Variants in VPS41 observed in about 807,000 individuals in gnomAD.
VPS41 encodes the protein vacuolar protein sorting-associated protein 41 homolog.
VPS41 carries 85 observed loss-of-function variants against 130.9 expected under a neutral mutation model. The observed-to-expected ratio is 0.65, with a 90% CI of 0.55 to 0.78. The LOEUF is 0.78. Among genes scored for constraint, VPS41 ranks in the 30% least tolerant of loss-of-function variants. VPS41 has a pLI of 0.00. For missense variants in VPS41, 874 were observed against 1,018.7 expected (o/e 0.86, Z 1.93); for synonymous variants, 335 against 332.9 (o/e 1.01, Z -0.07).
intron 25 of VPS41, among the ~76,000 whole-genome samples, chr7:38,736,375 C>T (rs977650725): frequency 6.6e-6 from 1 of 152,348 alleles, no homozygotes; most frequent in Admixed American, 6.5e-5. Flanking sequence ...TGGTGTGCAG[C>T]CAGACTTCAC....
intron 10 of VPS41, among the ~76,000 whole-genome samples, chr7:38,786,363 T>C (rs1784439612): frequency 6.6e-6 from 1 of 152,204 alleles, no homozygotes. Flanking sequence ...CTGTGCTTGG[T>C]GGTGGTTGTT....
chr7:38,906,470 G>A (rs1044171415), intron 1 of VPS41, among the ~76,000 whole-genome samples: 5 of 151,762 alleles, frequency 3.3e-5, no homozygotes, highest in East Asian at 2.0e-4. Flanking sequence ...TCAGCCTCCC[G>A]AGTAGCTGGG....
chr7:38,743,602 A>G (rs1719089200), intron 23 of VPS41, 60 bp from the exon 24 acceptor site: 2 of 1,572,018 alleles, frequency 1.3e-6, no homozygotes, highest in East Asian at 2.3e-5. Flanking sequence ...ATTTTTTTAA[A>G]GAAATTGCAT....
In VPS41 at chr7:38,872,327, T is replaced by C. The variant is rs151308765; in HGVS notation, c.61-3074A>G. Among the ~76,000 whole-genome samples, 243 of 152,366 alleles carry C rather than the reference T, an allele frequency of 1.6e-3. 4 individuals are homozygous for C. The Middle Eastern group carries it at 0.02, about 13-fold the overall frequency. On this transcript the variant is annotated intron_variant, in intron 2 of 28. Coordinates refer to ENST00000310301, the MANE Select transcript of VPS41 (RefSeq NM_014396.4). ...GTGGAAGCCCCATCCATGTTTCATA[T>C]GGCCTCAGATGGAACACTGTCATTT...
intron 4 of VPS41, among the ~76,000 whole-genome samples, chr7:38,860,737 G>A (rs1003769928): frequency 7.8e-6 from 1 of 128,532 alleles, no homozygotes; most frequent in East Asian, 2.0e-4. Context: ...GTGTGTGTGT[G>A]TGTGTGGACA....
intron 7 of VPS41, among the ~76,000 whole-genome samples, chr7:38,801,217 T>G (rs936574869): frequency 6.6e-6 from 1 of 152,176 alleles, no homozygotes; most frequent in African/African-American, 2.4e-5. Context: ...CCAAAAACCT[T>G]GTGGACCCTG....
chr7:38,746,136 G>C (rs190241524), intron 22 of VPS41: 3 of 152,556 alleles, frequency 2.0e-5, no homozygotes, highest in African/African-American at 7.2e-5. Context: ...CCAGATCACA[G>C]GGGCTGAAAG....
chr7:38,752,666 CATACACTAAG>C (rs757716652), intron 21 of VPS41, among the ~76,000 whole-genome samples: 3 of 152,154 alleles, frequency 2.0e-5, no homozygotes, highest in Non-Finnish European at 2.9e-5. Context: ...ATGAACTTAG[CATACACTAAG>C]AACTACAGAA....
rs1158859531 is a variant in VPS41 at position 38,789,820 on chromosome 7, T to C, written c.765A>G (p.Pro255=). 6.2e-6 allele frequency: 10 copies of C among 1,613,802 alleles called. No homozygotes were observed. The highest frequency in any genetic ancestry group is 7.6e-6 in the Non-Finnish European group (9 of 1,179,754). ...CCATACCTATTTCAACATATCGACT[T>C]GGCAAATCCCTCATTTCACTGGCAT... ...ERHASEMRDL[P]SRYVEIVSQF... is the part of the protein sequence containing the mutation. Residue 255 remains proline, a synonymous_variant, in exon 10 of 29, where the codon CCA becomes CCG. Coordinates refer to ENST00000310301, the MANE Select transcript of VPS41 (RefSeq NM_014396.4).
At chr7:38,899,706 C>T (rs974733373) in intron 1 of VPS41, among the ~76,000 whole-genome samples, 1 of 152,148 alleles carries the variant, frequency 6.6e-6, no homozygotes, top group Non-Finnish European at 1.5e-5. Flanking sequence ...TTCTAACATC[C>T]TTTCCATCTC....
intron 2 of VPS41, among the ~76,000 whole-genome samples, chr7:38,875,990 T>TA (rs1459755509): frequency 3.3e-5 from 5 of 152,222 alleles, no homozygotes; most frequent in Non-Finnish European, 7.3e-5. Flanking sequence ...ATTTAAAGCA[T>TA]AAAATACATA....
At position 38,758,258 on chromosome 7, in the gene VPS41, A is replaced by C. The variant is rs185554787; in HGVS notation, c.1550+96T>G. On this transcript the variant is annotated intron_variant, in intron 18 of 28. Transcript: ENST00000310301. ...GAAGGAATGTAGGAAAATGGTATAAAATACATCTTCTCCACTTGGAGTTTG... is the reference window on the plus strand; with the variant it reads ...GAAGGAATGTAGGAAAATGGTATAACATACATCTTCTCCACTTGGAGTTTG... 6.7e-5 allele frequency: 79 copies of C among 1,180,480 alleles called. No individual in the cohort carries two copies. The African/African-American group carries it at 1.1e-3, about 16-fold the overall frequency. The allele number at this position is 1,180,480 out of a possible 1,614,324, so 73.1% of individuals were successfully genotyped here.
At chr7:38,736,178 A>G (rs1198911473) in intron 25 of VPS41, among the ~76,000 whole-genome samples, 1 of 152,226 alleles carries the variant, frequency 6.6e-6, no homozygotes, top group Admixed American at 6.5e-5. Context: ...AACAAAAGAT[A>G]TTTTAGAGAT....
intron 22 of VPS41, among the ~76,000 whole-genome samples, chr7:38,748,562 C>T (rs927976487): frequency 1.3e-5 from 2 of 150,014 alleles, no homozygotes; most frequent in Non-Finnish European, 3.0e-5. Context: ...GATATGAGAG[C>T]GATCACAAAT....
intron 5 of VPS41, among the ~76,000 whole-genome samples, chr7:38,829,076 G>A (rs1785335177): frequency 6.6e-6 from 1 of 152,102 alleles, no homozygotes; most frequent in Admixed American, 6.6e-5. Flanking sequence ...CACAAAAAAT[G>A]TTTCAGCGGT....
intron 2 of VPS41, among the ~76,000 whole-genome samples, chr7:38,895,797 T>C (rs1406162817): frequency 6.6e-6 from 1 of 152,174 alleles, no homozygotes; most frequent in Non-Finnish European, 1.5e-5. Flanking sequence ...TAAAGCCCTA[T>C]ACACTTTCAA....
At chr7:38,775,652 T>C (rs1428433652) in intron 11 of VPS41, 1 of 152,152 alleles carries the variant, frequency 6.6e-6, no homozygotes, top group Non-Finnish European at 1.5e-5. Flanking sequence ...GGTCTGAGTG[T>C]TCACTTAAGT....
intron 4 of VPS41, among the ~76,000 whole-genome samples, chr7:38,843,681 CAA>C (rs796516716): frequency 1.2e-5 from 1 of 80,502 alleles, no homozygotes; most frequent in African/African-American, 4.6e-5. Context: ...GACTCCGTCT[CAA>C]AAAAAAAAAC....
chr7:38,890,466 G>A (rs190455940), intron 2 of VPS41, among the ~76,000 whole-genome samples: 1 of 152,288 alleles, frequency 6.6e-6, no homozygotes, highest in East Asian at 1.9e-4. Flanking sequence ...CAGTGGAGTG[G>A]TGGTTACATG....
Sources: allele counts gnomAD v4.1 joint callset (sites outside exome capture counted in the v4.1 genomes callset), GRCh38; gene constraint gnomAD v4.1.1; transcripts MANE v1.5; gene names NCBI Gene and HGNC (gene_info 2026-07-23, HGNC 2026-07-21).